The following ALKBH3 variants were observed in gnomAD, a reference collection of about 807,000 sequenced individuals.
ALKBH3 encodes the protein alkB homolog 3, alpha-ketoglutarate dependent dioxygenase, also known as alpha-ketoglutarate-dependent dioxygenase alkB homolog 3.
A neutral mutation model predicts 43.9 loss-of-function variants in ALKBH3; 51 were observed. That is an observed-to-expected ratio of 1.16 (90% confidence interval 0.93 to 1.47). ALKBH3 has a LOEUF of 1.47. Among genes scored for constraint, ALKBH3 ranks in the 40% most tolerant of loss-of-function variants. The pLI is 0.00. For synonymous variants in ALKBH3, 102 were observed against 115.2 expected (o/e 0.89, Z 0.73); for missense variants, 361 against 351.9 (o/e 1.03, Z -0.21).
chr11:43,882,949 C>A lies in ALKBH3; in HGVS notation c.80-136C>A, dbSNP rs1590364087. 6 of 825,490 alleles carry A rather than the reference C, an allele frequency of 7.3e-6. No homozygotes were observed. In the East Asian group the frequency reaches 1.6e-4, roughly 22 times the overall value. The allele number at this position is 825,490 out of a possible 1,614,324, so 51.1% of individuals were successfully genotyped here. ...TCCACACCCTCAAACCTTTCAGTAT[C>A]TTCTGTTGACTTTACCAGTTAGTTT... On this transcript the variant is annotated intron_variant, in intron 2 of 9. Transcript: ENST00000302708.
intron 8 of ALKBH3, among the ~76,000 whole-genome samples, chr11:43,912,984 A>G (rs1951951758): frequency 6.7e-6 from 1 of 149,400 alleles, no homozygotes; most frequent in Admixed American, 6.8e-5. Flanking sequence ...ATGTTGTAGC[A>G]ACACTCATAA....
chr11:43,882,695 G>C lies in ALKBH3; in HGVS notation c.43G>C (p.Ala15Pro). The change falls in exon 2 of 10, where the codon GCT (alanine) becomes CCT (proline). Residue 15 changes from alanine (A) to proline (P), a missense_variant. Ala to Pro is a conservative substitution (Grantham distance 27, BLOSUM62 -1). Coordinates refer to ENST00000302708, the MANE Select transcript of ALKBH3 (RefSeq NM_139178.4). ...RRRARVQGAW[A>P]APVKSQAIAQ... ...GCGAGCCCGAGTTCAGGGAGCCTGGGCTGCCCCTGTTAAAAGCCAGGCCAT... is the reference window on the plus strand; with the variant it reads ...GCGAGCCCGAGTTCAGGGAGCCTGGCCTGCCCCTGTTAAAAGCCAGGCCAT... 6.2e-7 allele frequency: 1 copy of C among 1,613,584 alleles called. No individual in the cohort carries two copies. Among genetic ancestry groups the C allele is most frequent in the South Asian group, 1.1e-5 (1 of 91,004 alleles).
At chr11:43,890,364 G>GC (rs922636531) in intron 6 of ALKBH3, among the ~76,000 whole-genome samples, 5 of 152,154 alleles carry the variant, frequency 3.3e-5, no homozygotes, top group Non-Finnish European at 1.5e-5. Flanking sequence ...CTGAATCTCT[G>GC]CGGGCATCCA....
intron 8 of ALKBH3, among the ~76,000 whole-genome samples, chr11:43,903,273 T>A (rs2135194338): frequency 6.6e-6 from 1 of 152,276 alleles, no homozygotes; most frequent in East Asian, 1.9e-4. Context: ...ACAAACCAGC[T>A]TTTGCTATAT....
chr11:43,913,273 TG>T (rs1951955837), intron 8 of ALKBH3, among the ~76,000 whole-genome samples: 1 of 152,128 alleles, frequency 6.6e-6, no homozygotes, highest in Non-Finnish European at 1.5e-5. Flanking sequence ...CACGGGGGTT[TG>T]GTATACAGAT....
chr11:43,882,065 T>A (rs1951715376), intron 1 of ALKBH3, among the ~76,000 whole-genome samples: 1 of 152,216 alleles, frequency 6.6e-6, no homozygotes, highest in South Asian at 2.1e-4. Flanking sequence ...CATACATACC[T>A]GCATTGTGTC....
At chr11:43,911,026 T>G (rs1351088828) in intron 8 of ALKBH3, among the ~76,000 whole-genome samples, 1 of 152,172 alleles carries the variant, frequency 6.6e-6, no homozygotes, top group Non-Finnish European at 1.5e-5. Context: ...CTTATGGGGG[T>G]TACAGGAGCT....
At chr11:43,919,880 T>C (rs1952013403) in intron 9 of ALKBH3, 38 bp from the exon 10 acceptor site, 1 of 1,548,468 alleles carries the variant, frequency 6.5e-7, no homozygotes, top group Admixed American at 1.7e-5. Flanking sequence ...AGTGTGTATG[T>C]GTGTATTTAT....
intron 8 of ALKBH3, among the ~76,000 whole-genome samples, chr11:43,907,583 A>T (rs72904272): frequency 6.6e-6 from 1 of 152,066 alleles, no homozygotes. Context: ...ACTCTTAAGG[A>T]CTATTCCTAA....
At chr11:43,905,471 A>C (rs970974112) in intron 8 of ALKBH3, among the ~76,000 whole-genome samples, 2 of 151,972 alleles carry the variant, frequency 1.3e-5, no homozygotes, top group Non-Finnish European at 2.9e-5. Context: ...CTGTGGTCCA[A>C]GTCTGCCAAG....
chr11:43,889,687 C>T (rs762961303), intron 5 of ALKBH3, 38 bp from the exon 6 acceptor site: 1 of 1,560,244 alleles, frequency 6.4e-7, no homozygotes, highest in South Asian at 1.1e-5. Flanking sequence ...CTTATCTTTT[C>T]CATGTTTTTT....
intron 7 of ALKBH3, chr11:43,899,233 C>T: frequency 2.7e-6 from 2 of 743,216 alleles, no homozygotes; most frequent in South Asian, 2.7e-5. Flanking sequence ...GCCGTGACTA[C>T]AGCATGGTGG....
intron 8 of ALKBH3, among the ~76,000 whole-genome samples, chr11:43,902,448 G>A (rs1203454495): frequency 2.6e-5 from 4 of 152,162 alleles, no homozygotes; most frequent in African/African-American, 7.2e-5. Flanking sequence ...AGTCCCTTAC[G>A]ACTAAGAAAG....
At chr11:43,898,094 T>C (rs1253632374) in intron 7 of ALKBH3, 3 of 1,047,214 alleles carry the variant, frequency 2.9e-6, no homozygotes, top group Non-Finnish European at 4.5e-6. Flanking sequence ...GGCGATGCCC[T>C]CAGCAGCCCC....
At chr11:43,887,641 A>G (rs1951755375) in intron 5 of ALKBH3, among the ~76,000 whole-genome samples, 1 of 152,016 alleles carries the variant, frequency 6.6e-6, no homozygotes, top group African/African-American at 2.4e-5. Context: ...GTGCCACATA[A>G]TAACTTGACA....
intron 7 of ALKBH3, chr11:43,899,445 C>T: frequency 1.4e-6 from 1 of 703,218 alleles, no homozygotes; most frequent in Non-Finnish European, 2.7e-6. Context: ...GTGATAGGCT[C>T]CGAGGATTTC....
At chr11:43,904,914 A>G (rs1203125242) in intron 8 of ALKBH3, among the ~76,000 whole-genome samples, 1 of 152,114 alleles carries the variant, frequency 6.6e-6, no homozygotes, top group Non-Finnish European at 1.5e-5. Flanking sequence ...GTGCTACTAC[A>G]GATTGTAATT....
rs34566256 is a variant in ALKBH3 at position 43,885,479 on chromosome 11, A to G, written c.219-1127A>G. On this transcript the variant is annotated intron_variant, in intron 4 of 9. Transcript: ENST00000302708. Reference sequence around the variant, plus strand: ...TAAAAGCCTAGCTCAGAGATCATGAACCACTAACTCCCATGACAGAAGGTG... The same window carrying G: ...TAAAAGCCTAGCTCAGAGATCATGAGCCACTAACTCCCATGACAGAAGGTG... Among the ~76,000 whole-genome samples the G allele has an allele frequency of 5.0e-3, 768 of 152,322 alleles. 6 individuals carry two copies. The highest frequency in any genetic ancestry group is 0.017 in the African/African-American group (716 of 41,568).
chr11:43,883,546 T>C (rs2271820), intron 3 of ALKBH3, among the ~76,000 whole-genome samples: 37,660 of 152,136 alleles, frequency 0.25, 5,200 homozygotes, highest in South Asian at 0.42. Context: ...GTTTTTACAA[T>C]AAAATGCCTG....
Sources: allele counts gnomAD v4.1 joint callset (sites outside exome capture counted in the v4.1 genomes callset), GRCh38; gene constraint gnomAD v4.1.1; transcripts MANE v1.5; gene names NCBI Gene and HGNC (gene_info 2026-07-23, HGNC 2026-07-21).